RAPGEF2: variants seen among roughly 807,000 people sequenced by gnomAD.
RAPGEF2 encodes Rap guanine nucleotide exchange factor 2.
RAPGEF2 carries 54 observed loss-of-function variants against 186.7 expected under a neutral mutation model. The observed-to-expected ratio is 0.29, with a 90% CI of 0.23 to 0.36. The LOEUF (loss-of-function observed/expected upper bound fraction) is 0.36, where lower values mean the gene tolerates loss of function less well. Among genes scored for constraint, RAPGEF2 ranks in the 10% least tolerant of loss-of-function variants. The pLI is 1.00. For missense variants in RAPGEF2, 1,532 were observed against 2,045.0 expected (o/e 0.75, Z 4.84); for synonymous variants, 712 against 705.9 (o/e 1.01, Z -0.14).
intron 9 of RAPGEF2, among the ~76,000 whole-genome samples, chr4:159,318,176 T>G (rs2111130306): frequency 6.6e-6 from 1 of 152,338 alleles, no homozygotes; most frequent in African/African-American, 2.4e-5. Context: ...TACATTTATT[T>G]AAAGCAATAA....
chr4:159,165,411 T>C (rs1745198861), intron 1 of RAPGEF2, among the ~76,000 whole-genome samples: 1 of 152,212 alleles, frequency 6.6e-6, no homozygotes, highest in South Asian at 2.1e-4. Context: ...AGATCGGATA[T>C]GTTTTGGTAA....
chr4:159,149,157 A>G lies in RAPGEF2; in HGVS notation c.70-37485A>G, dbSNP rs1220572653. ...AAATAAAAATACAGAAAGAGGGCAG[A>G]AGATAAAGCTGAAATATTTATTCAT... On this transcript the variant is annotated intron_variant, in intron 1 of 29. Coordinates refer to ENST00000691494, the MANE Select transcript of RAPGEF2 (RefSeq NM_001394067.2). Among the ~76,000 whole-genome samples, 8 of 152,272 alleles carry G rather than the reference A, an allele frequency of 5.3e-5. No individual in the cohort carries two copies. The East Asian group carries it at 1.2e-3, about 22-fold the overall frequency.
chr4:159,129,501 T>C (rs1740766826), intron 1 of RAPGEF2, among the ~76,000 whole-genome samples: 1 of 152,216 alleles, frequency 6.6e-6, no homozygotes, highest in Admixed American at 6.5e-5. Context: ...CTAGATGTTT[T>C]CTTATGGTTT....
rs1732442971 is a variant in RAPGEF2, at chr4:159,359,078, GA to G, written c.*940del. ...GGATGTGTCCTGCTCCATTGAGATG[GA>G]TGGCAAACCCCATTTTTAAGTTATA... On this transcript the variant is annotated 3_prime_UTR_variant, in exon 30 of 30. Transcript: ENST00000691494. 6.6e-6 allele frequency: 1 copy of G among 152,216 alleles called. No homozygotes were observed. Among genetic ancestry groups the G allele is most frequent in the South Asian group, 2.1e-4 (1 of 4,828 alleles). 9.4% of individuals were successfully genotyped at this position (152,216 alleles called of 1,614,324 possible).
chr4:159,154,356 C>T, intron 1 of RAPGEF2, among the ~76,000 whole-genome samples: 1 of 152,174 alleles, frequency 6.6e-6, no homozygotes, highest in Non-Finnish European at 1.5e-5. Context: ...TTATTTATTG[C>T]CTATCTCTTA....
Position 159,274,722 on chromosome 4 carries a change from G to A in RAPGEF2, c.544-29620G>A, listed in dbSNP as rs191887306. ...TTAGTATTGTCTTAGGTATTACACA[G>A]AATGGGCTAAATGGAACAGTGTCTG... On this transcript the variant is annotated intron_variant, in intron 7 of 29. Transcript: ENST00000691494. Among the ~76,000 whole-genome samples the A allele has an allele frequency of 4.0e-3, 602 of 152,252 alleles. 11 individuals are homozygous for A. Among genetic ancestry groups the A allele is most frequent in the Non-Finnish European group, 1.1e-3 (78 of 68,006 alleles).
At chr4:159,187,699 C>G (rs1280002710) in intron 2 of RAPGEF2, among the ~76,000 whole-genome samples, 1 of 152,024 alleles carries the variant, frequency 6.6e-6, no homozygotes. Context: ...TATTAAAGAA[C>G]AAAAATGATT....
chr4:159,137,284 A>G (rs1579282078), intron 1 of RAPGEF2, among the ~76,000 whole-genome samples: 2 of 152,252 alleles, frequency 1.3e-5, no homozygotes, highest in South Asian at 4.1e-4. Context: ...TTTTCTGGTG[A>G]AGGCCTACTC....
At chr4:159,352,619 G>A (rs1731352348) in intron 26 of RAPGEF2, 66 bp from the exon 27 acceptor site, 1 of 1,322,882 alleles carries the variant, frequency 7.6e-7, no homozygotes, top group Non-Finnish European at 1.1e-6. Flanking sequence ...GCTTCTATTT[G>A]GTAGACTTCC....
At chr4:159,312,969 G>A (rs1401805387) in intron 8 of RAPGEF2, among the ~76,000 whole-genome samples, 1 of 152,036 alleles carries the variant, frequency 6.6e-6, no homozygotes, top group East Asian at 1.9e-4. Flanking sequence ...CCAACATGAT[G>A]AAATCCCGTC....
chr4:159,214,934 C>T (rs990614312), intron 4 of RAPGEF2, among the ~76,000 whole-genome samples: 1 of 152,206 alleles, frequency 6.6e-6, no homozygotes, highest in Non-Finnish European at 1.5e-5. Flanking sequence ...ACAATCTCAG[C>T]TCACTGCAGC....
At chr4:159,223,296 C>A (rs79624669) in intron 4 of RAPGEF2, among the ~76,000 whole-genome samples, 11,195 of 151,996 alleles carry the variant, frequency 0.074, 1,000 homozygotes, top group African/African-American at 0.21. Context: ...GAGAGCTACA[C>A]GAACATTAAA....
chr4:159,165,879 C>T (rs1254145295), intron 1 of RAPGEF2, among the ~76,000 whole-genome samples: 1 of 152,172 alleles, frequency 6.6e-6, no homozygotes, highest in African/African-American at 2.4e-5. Flanking sequence ...AGGCATGAAC[C>T]ACTGTGCCTA....
chr4:159,178,724 G>C (rs553027304), intron 1 of RAPGEF2, among the ~76,000 whole-genome samples: 4 of 151,770 alleles, frequency 2.6e-5, no homozygotes, highest in African/African-American at 9.7e-5. Context: ...CGCCCGGCTA[G>C]TTTTTGTATT....
intron 7 of RAPGEF2, among the ~76,000 whole-genome samples, chr4:159,294,526 A>G (rs1198134043): frequency 6.6e-6 from 1 of 152,230 alleles, no homozygotes; most frequent in African/African-American, 2.4e-5. Flanking sequence ...TTAGTATTAC[A>G]GTCTAAATGG....
chr4:159,186,570 TAC>T, intron 1 of RAPGEF2, 70 bp from the exon 2 acceptor site: 1 of 715,314 alleles, frequency 1.4e-6, no homozygotes, highest in Non-Finnish European at 2.2e-6. Context: ...GGTTTGTAGA[TAC>T]AGTGTGACTT....
chr4:159,210,703 A>G, intron 4 of RAPGEF2, 120 bp downstream of exon 4: 2 of 683,574 alleles, frequency 2.9e-6, no homozygotes, highest in Non-Finnish European at 4.8e-6. Flanking sequence ...GCAAGACAGT[A>G]CTTTGGGGTG....
chr4:159,210,023 A>G (rs1323913498), intron 3 of RAPGEF2, among the ~76,000 whole-genome samples: 3 of 152,206 alleles, frequency 2.0e-5, no homozygotes, highest in Admixed American at 6.5e-5. Context: ...GTAACAAAGA[A>G]GAAAGATGAT....
At chr4:159,296,832 A>G (rs917920952) in intron 7 of RAPGEF2, among the ~76,000 whole-genome samples, 2 of 152,196 alleles carry the variant, frequency 1.3e-5, no homozygotes, top group African/African-American at 2.4e-5. Flanking sequence ...TCCATTTTCA[A>G]GTGAAGTTCA....
Sources: allele counts gnomAD v4.1 joint callset (sites outside exome capture counted in the v4.1 genomes callset), GRCh38; gene constraint gnomAD v4.1.1; transcripts MANE v1.5; gene names NCBI Gene and HGNC (gene_info 2026-07-23, HGNC 2026-07-21).